The following MSI2 variants were observed in gnomAD, a reference collection of about 807,000 sequenced individuals.
MSI2 encodes the protein RNA-binding protein Musashi homolog 2.
MSI2 carries 17 observed loss-of-function variants against 45.6 expected under a neutral mutation model. That is an observed-to-expected ratio of 0.37 (90% CI 0.26 to 0.56). MSI2 has a LOEUF of 0.56. Ranked by LOEUF, MSI2 falls within the 20% of genes least tolerant of loss-of-function variation. The pLI, the probability that MSI2 is intolerant of heterozygous loss-of-function variation, is 0.77. For missense variants in MSI2, 293 were observed against 444.2 expected (o/e 0.66, Z 3.06); for synonymous variants, 156 against 158.2 (o/e 0.99, Z 0.11).
intron 7 of MSI2, among the ~76,000 whole-genome samples, chr17:57,568,898 T>C (rs1029441716): frequency 1.6e-4 from 24 of 152,094 alleles, no homozygotes; most frequent in African/African-American, 5.1e-4. Context: ...CAGGTAGAAG[T>C]GAACACACCT....
At chr17:57,491,024 G>T (rs1253235763) in intron 6 of MSI2, among the ~76,000 whole-genome samples, 2 of 152,218 alleles carry the variant, frequency 1.3e-5, no homozygotes, top group Non-Finnish European at 2.9e-5. Context: ...CCGGGGTGGG[G>T]AGGACGGATG....
downstream of MSI2, among the ~76,000 whole-genome samples, chr17:57,689,031 T>C (rs1913933875): frequency 6.6e-6 from 1 of 152,200 alleles, no homozygotes; most frequent in East Asian, 1.9e-4. Flanking sequence ...TTCTGGCTTT[T>C]CCTGTCCTTT....
chr17:57,463,797 C>G (rs1567839292), intron 6 of MSI2, among the ~76,000 whole-genome samples: 1 of 151,886 alleles, frequency 6.6e-6, no homozygotes, highest in Non-Finnish European at 1.5e-5. Context: ...GAGACCTACC[C>G]TCCAACACCA....
At chr17:57,281,709 G>T (rs989421163) in intron 5 of MSI2, among the ~76,000 whole-genome samples, 1 of 152,166 alleles carries the variant, frequency 6.6e-6, no homozygotes, top group Non-Finnish European at 1.5e-5. Context: ...TTTTACATGT[G>T]AGAGGTGAAC....
chr17:57,474,424 C>T lies in MSI2; in HGVS notation c.406-55252C>T, dbSNP rs532974145. Among the ~76,000 whole-genome samples the T allele has an allele frequency of 5.3e-5, 8 of 152,286 alleles. No homozygotes were observed. In the South Asian group the frequency reaches 8.3e-4, roughly 16 times the overall value. ...GGCTCCTCCACCTCAGCACTACTGACGTTGGGGGCCAGATGATTCTTTGTC... is the reference window on the plus strand; with the variant it reads ...GGCTCCTCCACCTCAGCACTACTGATGTTGGGGGCCAGATGATTCTTTGTC... On this transcript the variant is annotated intron_variant, in intron 6 of 13. Transcript: ENST00000284073.
At chr17:57,439,997 T>C (rs1181471345) in intron 6 of MSI2, among the ~76,000 whole-genome samples, 2 of 152,136 alleles carry the variant, frequency 1.3e-5, no homozygotes, top group African/African-American at 2.4e-5. Flanking sequence ...GGTTATCTCT[T>C]TGATTATAGC....
intron 3 of MSI2, among the ~76,000 whole-genome samples, 196 bp downstream of exon 3, chr17:57,257,743 ATACAGAGATAC>A (rs1032700142): frequency 2.0e-5 from 3 of 146,754 alleles, no homozygotes; most frequent in African/African-American, 7.9e-5. Context: ...TGAACTCTGG[ATACAGAGATAC>A]CCATCTCTCT....
chr17:57,464,011 G>A (rs987155682), intron 6 of MSI2, among the ~76,000 whole-genome samples: 4 of 130,252 alleles, frequency 3.1e-5, no homozygotes, highest in South Asian at 3.1e-4. Context: ...GTGTGTGTGT[G>A]TGTGTGTGTA....
chr17:57,430,984 G>A (rs139749560), intron 6 of MSI2, among the ~76,000 whole-genome samples: 99 of 152,354 alleles, frequency 6.5e-4, no homozygotes, highest in Non-Finnish European at 1.0e-3. Flanking sequence ...CCAAGAATTA[G>A]AAACAAACAA....
intron 7 of MSI2, among the ~76,000 whole-genome samples, chr17:57,547,439 C>T (rs369316872): frequency 7.9e-5 from 12 of 152,066 alleles, no homozygotes; most frequent in African/African-American, 2.9e-4. Context: ...GAGCTGATGG[C>T]GTCTTGGGTG....
At chr17:57,621,688 C>T (rs1908303543) in intron 9 of MSI2, among the ~76,000 whole-genome samples, 1 of 152,222 alleles carries the variant, frequency 6.6e-6, no homozygotes, top group African/African-American at 2.4e-5. Context: ...TATAGTTGCA[C>T]AGTTATTCTA....
intron 5 of MSI2, among the ~76,000 whole-genome samples, chr17:57,366,656 C>G (rs917370724): frequency 7.9e-5 from 12 of 152,148 alleles, no homozygotes; most frequent in Non-Finnish European, 1.5e-4. Context: ...AGGGGAGGAG[C>G]GAAGAGGTGG....
chr17:57,524,078 C>T (rs933930446), intron 6 of MSI2, among the ~76,000 whole-genome samples: 6 of 152,214 alleles, frequency 3.9e-5, no homozygotes, highest in Non-Finnish European at 7.3e-5. Context: ...AGGCTGGCCT[C>T]GGCACAGGGA....
At chr17:57,302,739 G>C (rs1911518237) in intron 5 of MSI2, among the ~76,000 whole-genome samples, 3 of 152,168 alleles carry the variant, frequency 2.0e-5, no homozygotes, top group Admixed American at 6.5e-5. Flanking sequence ...GCTGATGCCT[G>C]GTTCTGTTGA....
intron 6 of MSI2, among the ~76,000 whole-genome samples, chr17:57,509,243 A>T (rs1269307123): frequency 2.0e-5 from 3 of 152,136 alleles, no homozygotes; most frequent in Admixed American, 6.5e-5. Flanking sequence ...GTGAGGGGGA[A>T]ATTTCAGCCG....
chr17:57,682,691 G>A lies in MSI2; in HGVS notation c.*3174G>A, dbSNP rs1309753314. On this transcript the variant is annotated 3_prime_UTR_variant, in exon 14 of 14. Transcript: ENST00000284073. ...ACACTGATGTTTCAGCCTCGTCTTT[G>A]TTTCAGTTAAGCTCAATGGCGAACA... 1 of 216,910 alleles carries A rather than the reference G, an allele frequency of 4.6e-6. No individual in the cohort carries two copies. Among genetic ancestry groups the A allele is most frequent in the African/African-American group, 2.3e-5 (1 of 44,336 alleles). 13.4% of individuals were successfully genotyped at this position (216,910 alleles called of 1,614,324 possible).
chr17:57,404,325 G>A (rs776207159), intron 6 of MSI2, among the ~76,000 whole-genome samples: 7 of 152,162 alleles, frequency 4.6e-5, no homozygotes, highest in Non-Finnish European at 1.0e-4. Flanking sequence ...CAGTCCCCAA[G>A]ATGGACTGAC....
intron 6 of MSI2, among the ~76,000 whole-genome samples, chr17:57,402,359 CGTGGG>C: frequency 6.6e-6 from 1 of 152,170 alleles, no homozygotes. Flanking sequence ...GTGGACATCG[CGTGGG>C]AGCCCAGGTC....
chr17:57,417,389 G>A lies in MSI2; in HGVS notation c.405+15918G>A, dbSNP rs550164729. On this transcript the variant is annotated intron_variant, in intron 6 of 13. Transcript: ENST00000284073. ...CACTTCCATGGACCTGAAATCGTGAGTTTGACTTTGTCATCAGCTGCAGAG... is the reference window on the plus strand; with the variant it reads ...CACTTCCATGGACCTGAAATCGTGAATTTGACTTTGTCATCAGCTGCAGAG... Among the ~76,000 whole-genome samples, 15 of 152,288 alleles carry A rather than the reference G, an allele frequency of 9.8e-5. No individual in the cohort carries two copies. The South Asian group carries it at 3.1e-3, about 32-fold the overall frequency.
Sources: allele counts gnomAD v4.1 joint callset (sites outside exome capture counted in the v4.1 genomes callset), GRCh38; gene constraint gnomAD v4.1.1; transcripts MANE v1.5; gene names NCBI Gene and HGNC (gene_info 2026-07-23, HGNC 2026-07-21).